FREM1: variants seen among roughly 807,000 people sequenced by gnomAD.
The protein encoded by FREM1 is FRAS1-related extracellular matrix protein 1.
Under a neutral mutation model 210.1 loss-of-function variants are expected in FREM1, and 220 were observed. The ratio of observed to expected loss-of-function variants is 1.05; its 90% CI spans 0.94 to 1.17. The LOEUF (loss-of-function observed/expected upper bound fraction) is 1.17, where lower values mean the gene tolerates loss of function less well. Ranked by LOEUF, FREM1 falls within the 50% of genes most tolerant of loss-of-function variation. The pLI, the probability that FREM1 is intolerant of heterozygous loss-of-function variation, is 0.00. For missense variants in FREM1, 3,454 were observed against 2,675.5 expected (o/e 1.29, Z -6.42); for synonymous variants, 1,189 against 980.2 (o/e 1.21, Z -3.98).
chr9:14,740,267 C>A, intron 35 of FREM1, 33 bp from the exon 36 acceptor site: 1 of 1,469,234 alleles, frequency 6.8e-7, no homozygotes, highest in Non-Finnish European at 9.5e-7. Context: ...GTATCAGCAA[C>A]AAGCAGTTAA....
rs1179847794 is a variant in FREM1 at position 14,861,062 on chromosome 9, CACATAT to C, written c.330-1584_330-1579del. Reference sequence around the variant, plus strand: ...ACATATATACATATATACATATATACACATATACATATATACATATATACACATATA... The same window carrying C: ...ACATATATACATATATACATATATACACATATATACATATATACACATATA... On this transcript the variant is annotated intron_variant, in intron 3 of 36. Transcript: ENST00000380880. 7.2e-4 allele frequency among the ~76,000 whole-genome samples: 48 copies of C among 67,114 alleles called. 5 individuals carry two copies. Among genetic ancestry groups the C allele is most frequent in the African/African-American group, 3.3e-3 (44 of 13,208 alleles). The allele number at this position is 67,114 out of a possible 152,430, so 44.0% of individuals were successfully genotyped here. A position where few individuals can be genotyped will look rare whatever the true frequency, so the allele number is the denominator to read the frequency against.
intron 1 of FREM1, among the ~76,000 whole-genome samples, chr9:14,889,537 G>A (rs1233900547): frequency 6.6e-6 from 1 of 152,208 alleles, no homozygotes; most frequent in Non-Finnish European, 1.5e-5. Flanking sequence ...GGCTGGATGG[G>A]AATCTCAGTT....
At chr9:14,738,043 T>C (rs1354629513) in intron 36 of FREM1, among the ~76,000 whole-genome samples, 2 of 152,222 alleles carry the variant, frequency 1.3e-5, no homozygotes, top group Non-Finnish European at 2.9e-5. Context: ...TTCCTCATTA[T>C]TTAAATGTCC....
At chr9:14,819,486 G>T (rs746634495) in intron 13 of FREM1, 44 bp from the exon 14 acceptor site, 36 of 1,192,740 alleles carry the variant, frequency 3.0e-5, no homozygotes, top group Non-Finnish European at 3.8e-5. Context: ...CTTTTTCCAT[G>T]ACCCCTGAAG....
intron 24 of FREM1, among the ~76,000 whole-genome samples, chr9:14,780,049 C>G (rs529656216): frequency 5.9e-5 from 9 of 152,230 alleles, no homozygotes; most frequent in African/African-American, 2.2e-4. Context: ...AAAAGCTGAT[C>G]AATCAGATGG....
intron 35 of FREM1, among the ~76,000 whole-genome samples, chr9:14,741,358 TCTA>T (rs1841547341): frequency 6.6e-6 from 1 of 152,242 alleles, no homozygotes; most frequent in Non-Finnish European, 1.5e-5. Flanking sequence ...AGGATTTCCC[TCTA>T]CTAATAACAG....
At position 14,851,570 on chromosome 9, in the gene FREM1, C is replaced by A; in HGVS notation, c.866G>T (p.Gly289Val). 1 of 1,613,908 alleles carries A rather than the reference C, an allele frequency of 6.2e-7. No individual in the cohort carries two copies. The highest frequency in any genetic ancestry group is 8.5e-7 in the Non-Finnish European group (1 of 1,179,824). Residue 289 changes from glycine to valine, a missense_variant, in exon 6 of 37, where the codon GGA becomes GTA. Physicochemically the swap from Gly to Val is moderately radical, Grantham distance 109 (BLOSUM62 -3). Transcript: ENST00000380880. ...SAWLPVYIRAGIPNQIPKAAF... is the reference protein window; with the variant it reads ...SAWLPVYIRAVIPNQIPKAAF... ...AGCCTTTGGAATCTGATTCGGAATTCCAGCTCTGATATAGACAGGCAGCCA... is the reference window on the plus strand; with the variant it reads ...AGCCTTTGGAATCTGATTCGGAATTACAGCTCTGATATAGACAGGCAGCCA...
chr9:14,825,814 C>A (rs1457743761), intron 10 of FREM1, among the ~76,000 whole-genome samples: 1 of 151,850 alleles, frequency 6.6e-6, no homozygotes, highest in Non-Finnish European at 1.5e-5. Context: ...TATGCAGTGA[C>A]CATACTCCAC....
intron 10 of FREM1, among the ~76,000 whole-genome samples, chr9:14,832,745 G>T (rs1823809739): frequency 6.6e-6 from 1 of 152,082 alleles, no homozygotes; most frequent in African/African-American, 2.4e-5. Context: ...TGGGCTTTTG[G>T]CTTCTCTCCC....
chr9:14,794,515 C>T (rs745317126), intron 21 of FREM1, among the ~76,000 whole-genome samples: 1 of 152,142 alleles, frequency 6.6e-6, no homozygotes, highest in African/African-American at 2.4e-5. Flanking sequence ...GCAAATTCCA[C>T]CACGATCAGG....
chr9:14,808,551 A>G (rs1818790576), intron 16 of FREM1, among the ~76,000 whole-genome samples: 1 of 152,184 alleles, frequency 6.6e-6, no homozygotes, highest in African/African-American at 2.4e-5. Context: ...TACATTAACC[A>G]CCTTAAATGA....
chr9:14,775,772 G>C lies in FREM1; in HGVS notation c.4857+17C>G, dbSNP rs1848447540. 2 of 1,358,430 alleles carry C rather than the reference G, an allele frequency of 1.5e-6. No homozygotes were observed. Among genetic ancestry groups the C allele is most frequent in the Admixed American group, 1.7e-5 (1 of 58,112 alleles). 84.1% of individuals were successfully genotyped at this position (1,358,430 alleles called of 1,614,324 possible). ...TTTTCACATCTCTGGCAAATGAACT[G>C]TGTTTTTCATACTTGCCTGAATGGT... On this transcript the variant is annotated intron_variant, in intron 25 of 36. Coordinates refer to ENST00000380880, the MANE Select transcript of FREM1 (RefSeq NM_001379081.2).
At chr9:14,906,270 G>A (rs1338337069) in intron 1 of FREM1, among the ~76,000 whole-genome samples, 1 of 152,032 alleles carries the variant, frequency 6.6e-6, no homozygotes, top group Non-Finnish European at 1.5e-5. Context: ...TAGAACCCAG[G>A]TGAAATTTTT....
intron 6 of FREM1, among the ~76,000 whole-genome samples, chr9:14,850,836 G>C (rs111707273): frequency 2.8e-4 from 42 of 152,338 alleles, no homozygotes; most frequent in African/African-American, 9.4e-4. Context: ...TCTCAAACTG[G>C]TGAGCCCTGG....
intron 18 of FREM1, among the ~76,000 whole-genome samples, chr9:14,805,667 C>G (rs890158182): frequency 6.6e-6 from 1 of 152,158 alleles, no homozygotes; most frequent in South Asian, 2.1e-4. Context: ...AGAGAAAATG[C>G]TTAAAGATGT....
intron 23 of FREM1, among the ~76,000 whole-genome samples, chr9:14,788,619 T>C (rs1563929220): frequency 6.6e-6 from 1 of 152,240 alleles, no homozygotes; most frequent in Non-Finnish European, 1.5e-5. Flanking sequence ...AAAATTTTAC[T>C]TAAAGCAAAA....
intron 25 of FREM1, among the ~76,000 whole-genome samples, chr9:14,771,484 C>T (rs1055533429): frequency 6.6e-6 from 1 of 152,164 alleles, no homozygotes; most frequent in Non-Finnish European, 1.5e-5. Context: ...ATCTTCACAA[C>T]CTACACTGTA....
chr9:14,877,505 G>T (rs1031240031), intron 1 of FREM1, among the ~76,000 whole-genome samples: 1 of 151,504 alleles, frequency 6.6e-6, no homozygotes, highest in East Asian at 1.9e-4. Context: ...GTATCCAAAA[G>T]TTCCTTCCCC....
Position 14,808,130 on chromosome 9 carries a change from G to A in FREM1, c.2898C>T (p.Gly966=), listed in dbSNP as rs576113404. The change falls in exon 17 of 37, where the codon GGC becomes GGT. Residue 966 remains glycine, a synonymous_variant. Transcript: ENST00000380880. ...SEAVTYKHTG[G]EIGLMPCFDT... ...CAAAACAAGGCATCAGGCCAATCTC[G>A]CCACCTGGAAGACACAACTATAGCT... 190 of 1,586,178 alleles carry A rather than the reference G, an allele frequency of 1.2e-4. No individual in the cohort carries two copies. Among genetic ancestry groups the A allele is most frequent in the Middle Eastern group, 1.7e-4 (1 of 5,944 alleles).
Sources: gnomAD v4.1 joint callset for allele counts (sites outside exome capture counted in the v4.1 genomes callset) on GRCh38, gnomAD v4.1.1 for gene constraint, MANE v1.5 for transcripts, NCBI Gene and HGNC (gene_info 2026-07-23, HGNC 2026-07-21) for gene names.